The following PDE4B variants were observed in gnomAD, a reference collection of about 807,000 sequenced individuals.
The protein encoded by PDE4B is 3',5'-cyclic-AMP phosphodiesterase 4B.
PDE4B carries 20 observed loss-of-function variants against 82.2 expected under a neutral mutation model. That is an observed-to-expected ratio of 0.24 (90% CI 0.17 to 0.35). PDE4B has a LOEUF of 0.35. Among genes scored for constraint, PDE4B ranks in the 10% least tolerant of loss-of-function variants. The probability of loss-of-function intolerance (pLI) is 1.00; values close to 1 mark genes in which losing one functional copy is unlikely to be tolerated. For missense variants in PDE4B, 655 were observed against 907.2 expected, an observed-to-expected ratio of 0.72 and a Z score of 3.57; for synonymous variants, 320 against 318.9, an observed-to-expected ratio of 1.00 and a Z score of -0.04.
chr1:66,003,354 A>G (rs1409640857), intron 3 of PDE4B, among the ~76,000 whole-genome samples: 1 of 152,154 alleles, frequency 6.6e-6, no homozygotes, highest in Non-Finnish European at 1.5e-5. Flanking sequence ...ACATTTAAAA[A>G]AAAAAAACAT....
At chr1:66,370,150 C>CAAAAAAA (rs752920376) in intron 16 of PDE4B, among the ~76,000 whole-genome samples, 57 of 28,638 alleles carry the variant, frequency 2.0e-3, no homozygotes, top group Middle Eastern at 0.025. Context: ...GACTCTATCT[C>CAAAAAAA]AAAAAAAAAA....
intron 7 of PDE4B, among the ~76,000 whole-genome samples, chr1:66,323,578 G>T (rs146354540): frequency 3.3e-5 from 5 of 151,912 alleles, no homozygotes; most frequent in African/African-American, 9.7e-5. Context: ...ATTATTTATC[G>T]TATCATATTC....
At chr1:66,067,449 C>A (rs1018619307) in intron 3 of PDE4B, among the ~76,000 whole-genome samples, 1 of 152,102 alleles carries the variant, frequency 6.6e-6, no homozygotes, top group Admixed American at 6.6e-5. Context: ...TGATCATGAG[C>A]ATTTTTTCAT....
Position 66,205,166 on chromosome 1 carries a change from C to G in PDE4B, c.282-42294C>G, listed in dbSNP as rs143860552. On this transcript the variant is annotated intron_variant, in intron 3 of 16. Coordinates refer to ENST00000341517, the MANE Select transcript of PDE4B (RefSeq NM_002600.4). ...TTATTTAGAAAGAGACTCATGGGCC[C>G]AACTGAGGTCAATAGCCCACCCTAG... Among the ~76,000 whole-genome samples the G allele has an allele frequency of 2.3e-3, 348 of 152,282 alleles. 1 individual carries two copies. The highest frequency in any genetic ancestry group is 7.3e-3 in the African/African-American group (302 of 41,554).
At chr1:66,189,627 G>A (rs1168090497) in intron 3 of PDE4B, among the ~76,000 whole-genome samples, 2 of 152,040 alleles carry the variant, frequency 1.3e-5, no homozygotes, top group Admixed American at 1.3e-4. Flanking sequence ...GATCGAATAG[G>A]CTATTGAGGC....
At chr1:65,997,475 T>C (rs751402520) in intron 3 of PDE4B, among the ~76,000 whole-genome samples, 3 of 152,058 alleles carry the variant, frequency 2.0e-5, no homozygotes, top group South Asian at 2.1e-4. Flanking sequence ...AAGTGGAGAA[T>C]AGGAAAAAAA....
At chr1:66,155,058 G>T (rs550281197) in intron 3 of PDE4B, among the ~76,000 whole-genome samples, 1 of 152,206 alleles carries the variant, frequency 6.6e-6, no homozygotes, top group South Asian at 2.1e-4. Context: ...GAGCCCGGGA[G>T]GTTGAGTCTG....
At chr1:65,979,851 T>C (rs577822396) in intron 3 of PDE4B, among the ~76,000 whole-genome samples, 6 of 152,304 alleles carry the variant, frequency 3.9e-5, no homozygotes, top group Non-Finnish European at 8.8e-5. Context: ...AGGGCTTTTA[T>C]TCTAGTGGAG....
chr1:66,108,354 G>A (rs1455349014), intron 3 of PDE4B, among the ~76,000 whole-genome samples: 1 of 151,880 alleles, frequency 6.6e-6, no homozygotes, highest in Non-Finnish European at 1.5e-5. Context: ...ACTACTAGAA[G>A]AAAACATAGG....
At chr1:65,897,169 A>G (rs191482392) in intron 1 of PDE4B, among the ~76,000 whole-genome samples, 150 of 152,296 alleles carry the variant, frequency 9.8e-4, no homozygotes, top group Non-Finnish European at 1.6e-3. Context: ...AGAAGCGTCA[A>G]ATAAATTGCT....
At position 65,801,288 on chromosome 1, in the gene PDE4B, A is replaced by G. The variant is rs183109704; in HGVS notation, c.-71+8040A>G. Among the ~76,000 whole-genome samples, 303 of 152,228 alleles carry G rather than the reference A, an allele frequency of 2.0e-3. 3 individuals carry two copies. The highest frequency in any genetic ancestry group is 6.8e-3 in the African/African-American group (281 of 41,538). ...AAGATGTATCAGCCCTGCACTGCCTACCTCCAGGCTTACTATTCCATGAGA... is the reference window on the plus strand; with the variant it reads ...AAGATGTATCAGCCCTGCACTGCCTGCCTCCAGGCTTACTATTCCATGAGA... On this transcript the variant is annotated intron_variant, in intron 1 of 16. Transcript: ENST00000341517.
At chr1:66,255,729 C>T (rs775809039) in intron 4 of PDE4B, among the ~76,000 whole-genome samples, 2 of 152,158 alleles carry the variant, frequency 1.3e-5, no homozygotes, top group Non-Finnish European at 2.9e-5. Context: ...ATGAAGTATA[C>T]CCATTGTTTT....
intron 3 of PDE4B, among the ~76,000 whole-genome samples, chr1:66,222,351 C>A (rs555799258): frequency 5.9e-5 from 9 of 152,252 alleles, no homozygotes; most frequent in Admixed American, 1.3e-4. Flanking sequence ...AGGTTGCTTG[C>A]CTTTAATGAC....
intron 3 of PDE4B, among the ~76,000 whole-genome samples, chr1:66,003,140 G>A (rs1157705013): frequency 1.3e-5 from 2 of 152,040 alleles, no homozygotes; most frequent in Admixed American, 6.5e-5. Flanking sequence ...ATGTGGGTTA[G>A]TAAAGAAGTA....
intron 3 of PDE4B, among the ~76,000 whole-genome samples, chr1:66,129,217 A>G (rs1360268088): frequency 6.6e-6 from 1 of 152,246 alleles, no homozygotes; most frequent in Non-Finnish European, 1.5e-5. Context: ...AGAATAAAAT[A>G]ATAAAACATT....
intron 1 of PDE4B, among the ~76,000 whole-genome samples, chr1:65,907,591 C>T (rs12080316): frequency 6.6e-6 from 1 of 152,052 alleles, no homozygotes; most frequent in Non-Finnish European, 1.5e-5. Context: ...AGAAAACCTT[C>T]TTTTTCTTGA....
chr1:65,956,775 T>A (rs75700729), intron 3 of PDE4B, among the ~76,000 whole-genome samples: 25,517 of 152,000 alleles, frequency 0.17, 2,751 homozygotes, highest in Non-Finnish European at 0.24. Context: ...GAAGAGACAG[T>A]CATTGGTGTG....
chr1:66,339,412 T>C (rs193210999), intron 8 of PDE4B, among the ~76,000 whole-genome samples: 3 of 152,352 alleles, frequency 2.0e-5, no homozygotes, highest in Middle Eastern at 3.4e-3. Flanking sequence ...GTAAGTTTGA[T>C]TTGTAATCTG....
chr1:66,266,277 G>A, intron 7 of PDE4B, 190 bp downstream of exon 7: 1 of 600,328 alleles, frequency 1.7e-6, no homozygotes, highest in Admixed American at 2.7e-5. Flanking sequence ...ATTAAAAGCA[G>A]TACTAAATAA....
Sources: gnomAD v4.1 joint callset for allele counts (sites outside exome capture counted in the v4.1 genomes callset) on GRCh38, gnomAD v4.1.1 for gene constraint, MANE v1.5 for transcripts, NCBI Gene and HGNC (gene_info 2026-07-23, HGNC 2026-07-21) for gene names.